Variants in RYR3 observed in about 807,000 individuals in gnomAD.
RYR3 encodes the protein ryanodine receptor 3.
RYR3 carries 207 observed loss-of-function variants against 584.3 expected under a neutral mutation model. The observed-to-expected ratio is 0.35, with a 90% CI of 0.32 to 0.40. The LOEUF is 0.40. Among genes scored for constraint, RYR3 ranks in the 10% least tolerant of loss-of-function variants. The pLI is 1.00. For missense variants in RYR3, 5,616 were observed against 6,089.2 expected, an observed-to-expected ratio of 0.92 and a Z score of 2.59; for synonymous variants, 2,416 against 2,248.5, an observed-to-expected ratio of 1.07 and a Z score of -2.11.
intron 2 of RYR3, among the ~76,000 whole-genome samples, chr15:33,487,156 C>T (rs1412669787): frequency 1.3e-5 from 2 of 151,604 alleles, no homozygotes; most frequent in East Asian, 3.9e-4. Context: ...TGAGATCATG[C>T]CACTGCACTC....
intron 1 of RYR3, among the ~76,000 whole-genome samples, chr15:33,318,358 G>A (rs1968489342): frequency 6.6e-6 from 1 of 152,222 alleles, no homozygotes; most frequent in Admixed American, 6.5e-5. Flanking sequence ...TTTCTCCTTG[G>A]TCTGTCTTTG....
At chr15:33,828,394 C>G (rs191904772) in intron 85 of RYR3, among the ~76,000 whole-genome samples, 1 of 152,308 alleles carries the variant, frequency 6.6e-6, no homozygotes, top group East Asian at 1.9e-4. Flanking sequence ...AATGATTAAG[C>G]TTAGTAAGGA....
chr15:33,469,998 A>T (rs1288545581), intron 1 of RYR3, among the ~76,000 whole-genome samples: 2 of 152,210 alleles, frequency 1.3e-5, no homozygotes, highest in Non-Finnish European at 2.9e-5. Flanking sequence ...CAGTAAGGCA[A>T]TAGGAATGAA....
chr15:33,402,988 C>A (rs1938137670), intron 1 of RYR3, among the ~76,000 whole-genome samples: 1 of 152,188 alleles, frequency 6.6e-6, no homozygotes, highest in South Asian at 2.1e-4. Flanking sequence ...CCAAGTCCAG[C>A]ATCAAATGGC....
chr15:33,716,788 T>C (rs8042848), intron 43 of RYR3, among the ~76,000 whole-genome samples: 67,745 of 151,986 alleles, frequency 0.45, 15,789 homozygotes, highest in East Asian at 0.75. Flanking sequence ...TTAATATACG[T>C]ATGTGGATTT....
At chr15:33,692,349 G>A (rs905401704) in intron 38 of RYR3, among the ~76,000 whole-genome samples, 2 of 152,114 alleles carry the variant, frequency 1.3e-5, no homozygotes, top group Non-Finnish European at 2.9e-5. Flanking sequence ...GGGTTTGCTT[G>A]GTGGGTCCTG....
chr15:33,447,446 T>C (rs1480185169), intron 1 of RYR3, among the ~76,000 whole-genome samples: 1 of 152,148 alleles, frequency 6.6e-6, no homozygotes, highest in Non-Finnish European at 1.5e-5. Context: ...CCCCACCCCA[T>C]GCCCACTTAC....
intron 45 of RYR3, 117 bp from the exon 46 acceptor site, chr15:33,726,269 A>T: frequency 9.0e-7 from 1 of 1,116,518 alleles, no homozygotes; most frequent in South Asian, 1.4e-5. Context: ...GCAATTAGGG[A>T]AACATAGAAA....
intron 11 of RYR3, among the ~76,000 whole-genome samples, chr15:33,566,135 A>T (rs745423491): frequency 2.0e-5 from 3 of 152,168 alleles, no homozygotes; most frequent in African/African-American, 7.2e-5. Context: ...ATGCTTTCAA[A>T]TTTACTCTCT....
At chr15:33,505,547 A>G (rs1405187349) in intron 3 of RYR3, among the ~76,000 whole-genome samples, 1 of 152,170 alleles carries the variant, frequency 6.6e-6, no homozygotes, top group African/African-American at 2.4e-5. Context: ...GCTGGAGTGC[A>G]GTGGTAAGAT....
chr15:33,599,668 T>C (rs1358393720), intron 16 of RYR3, among the ~76,000 whole-genome samples: 1 of 152,214 alleles, frequency 6.6e-6, no homozygotes, highest in Non-Finnish European at 1.5e-5. Context: ...CTAAGCAGTT[T>C]CCAGCTTGAG....
chr15:33,570,310 T>A (rs1246463556), intron 12 of RYR3, among the ~76,000 whole-genome samples: 1 of 152,150 alleles, frequency 6.6e-6, no homozygotes, highest in Non-Finnish European at 1.5e-5. Context: ...GGATATCAGA[T>A]TTTCCCCTGC....
rs759430054 is a variant in RYR3 at position 33,647,452 on chromosome 15, A to C, written c.3970A>C (p.Thr1324Pro). 6.2e-7 allele frequency: 1 copy of C among 1,604,738 alleles called. No homozygotes were observed. ...ACAGATGCAAGAAATACTCTCTCAT[A>C]CAACAACAGTAAGTAAATGTGCTCA... The part of the protein sequence containing the change: ...RKQMQEILSH[T>P]TTQCYYAIRI... Residue 1324 changes from threonine to proline, a missense_variant, in exon 30 of 104, where the codon ACA (threonine) becomes CCA (proline). By Grantham distance (38) the Thr-to-Pro change is conservative. Around this residue, in one of 9 missense-constraint regions of RYR3, gnomAD observed 753 missense variants for 741.0 expected, o/e 1.02. Transcript: ENST00000634891.
At chr15:33,454,203 A>G (rs1387015669) in intron 1 of RYR3, among the ~76,000 whole-genome samples, 1 of 152,204 alleles carries the variant, frequency 6.6e-6, no homozygotes, top group African/African-American at 2.4e-5. Context: ...AGAGAAATTG[A>G]AGACTAAGAA....
At chr15:33,611,681 CAG>C (rs983772532) in intron 18 of RYR3, among the ~76,000 whole-genome samples, 2 of 152,014 alleles carry the variant, frequency 1.3e-5, no homozygotes, top group African/African-American at 4.8e-5. Context: ...TTATTTGAGA[CAG>C]GGTCTCATTC....
intron 43 of RYR3, among the ~76,000 whole-genome samples, chr15:33,714,155 T>G (rs1358210847): frequency 6.6e-6 from 1 of 152,172 alleles, no homozygotes; most frequent in South Asian, 2.1e-4. Flanking sequence ...CATTGTGCAC[T>G]GTTGTCTTCC....
chr15:33,673,891 A>T (rs1023865920), intron 38 of RYR3, among the ~76,000 whole-genome samples: 1 of 152,212 alleles, frequency 6.6e-6, no homozygotes, highest in Non-Finnish European at 1.5e-5. Context: ...GAACTGAGTT[A>T]TAGGTGAGCA....
intron 36 of RYR3, among the ~76,000 whole-genome samples, chr15:33,665,944 T>A (rs1437961328): frequency 2.0e-5 from 3 of 152,186 alleles, no homozygotes; most frequent in Non-Finnish European, 4.4e-5. Flanking sequence ...GACCAGTGAT[T>A]CTTGAGCAAG....
At chr15:33,610,106 T>G (rs1249849537) in intron 18 of RYR3, among the ~76,000 whole-genome samples, 1 of 152,178 alleles carries the variant, frequency 6.6e-6, no homozygotes, top group African/African-American at 2.4e-5. Flanking sequence ...ACTCTTGCTG[T>G]GCAGGTGGTC....
Sources: gnomAD v4.1 joint callset for allele counts (sites outside exome capture counted in the v4.1 genomes callset) on GRCh38, gnomAD v4.1.1 for gene constraint, gnomAD v4.1.1 regional missense constraint, MANE v1.5 for transcripts, NCBI Gene and HGNC (gene_info 2026-07-23, HGNC 2026-07-21) for gene names.